The following ZNF599 variants were observed in gnomAD, a reference collection of about 807,000 sequenced individuals.
ZNF599 encodes the protein zinc finger protein 599.
A neutral mutation model predicts 11.7 loss-of-function variants in ZNF599; 10 were observed. The ratio of observed to expected loss-of-function variants is 0.86; its 90% confidence interval spans 0.53 to 1.45. ZNF599 has a LOEUF of 1.45. Among genes scored for constraint, ZNF599 ranks in the 40% most tolerant of loss-of-function variants. The probability of loss-of-function intolerance (pLI) is 0.00; values close to 1 mark genes in which losing one functional copy is unlikely to be tolerated. For synonymous variants in ZNF599, 232 were observed against 253.2 expected, an observed-to-expected ratio of 0.92 and a Z score of 0.79; for missense variants, 688 against 713.6, an observed-to-expected ratio of 0.96 and a Z score of 0.41.
chr19:34,791,537 T>C, the ZNF599 span, among the ~76,000 whole-genome samples: 4 of 152,244 alleles, frequency 2.6e-5, no homozygotes, highest in Non-Finnish European at 5.9e-5. Flanking sequence ...AGCCAGCTTT[T>C]ACACTGATGA....
intron 1 of ZNF599, 41 bp downstream of exon 1, chr19:34,772,783 G>A: frequency 6.5e-7 from 1 of 1,535,068 alleles, no homozygotes. Flanking sequence ...GCATGCGGGC[G>A]GTGACCCGAG....
intron 1 of ZNF599, chr19:34,772,451 C>A: frequency 9.1e-7 from 1 of 1,101,014 alleles, no homozygotes; most frequent in Non-Finnish European, 1.1e-6. Context: ...AAAGACGGCA[C>A]CTAGAGTGAT....
the ZNF599 span, among the ~76,000 whole-genome samples, chr19:34,784,019 T>C: frequency 5.3e-5 from 8 of 152,214 alleles, no homozygotes; most frequent in Non-Finnish European, 1.0e-4. Context: ...AGACCCCCTG[T>C]ATTCATCTCC....
chr19:34,804,776 C>T, the ZNF599 span, among the ~76,000 whole-genome samples: 9 of 152,162 alleles, frequency 5.9e-5, no homozygotes, highest in South Asian at 2.1e-4. Flanking sequence ...GCTGGCAGGA[C>T]GAGGAGAAAC....
the ZNF599 span, among the ~76,000 whole-genome samples, chr19:34,780,310 C>T: frequency 2.0e-5 from 3 of 151,976 alleles, no homozygotes; most frequent in Non-Finnish European, 4.4e-5. Flanking sequence ...GAGTTTGAGA[C>T]CAGTCTGGGC....
the ZNF599 span, among the ~76,000 whole-genome samples, chr19:34,795,269 T>G: frequency 7.2e-5 from 11 of 152,294 alleles, no homozygotes; most frequent in South Asian, 2.1e-3. Flanking sequence ...GGTGGCCTGC[T>G]AGTAAATCTT....
chr19:34,771,737 G>A (rs560330051), intron 1 of ZNF599, among the ~76,000 whole-genome samples: 2 of 152,310 alleles, frequency 1.3e-5, no homozygotes, highest in African/African-American at 4.8e-5. Context: ...GAGCCCCAGA[G>A]GATAGAATCT....
the ZNF599 span, among the ~76,000 whole-genome samples, chr19:34,785,132 T>C: frequency 6.6e-6 from 1 of 151,826 alleles, no homozygotes; most frequent in Admixed American, 6.6e-5. Context: ...AACCAACTAT[T>C]CCATCTCAAT....
Position 34,759,695 on chromosome 19 carries a change from C to T in ZNF599, c.1106G>A (p.Cys369Tyr). The T allele has an allele frequency of 6.2e-7, 1 of 1,614,150 alleles. No homozygotes were observed. Among genetic ancestry groups the T allele is most frequent in the Non-Finnish European group, 8.5e-7 (1 of 1,180,034 alleles). ...VTHTGEKPFL[C>Y]KECGKTFCLN... ...GCAAAAGGTTTTTCCACATTCTTTACATAAAAATGGTTTTTCTCCTGTGTG... is the reference window on the plus strand; with the variant it reads ...GCAAAAGGTTTTTCCACATTCTTTATATAAAAATGGTTTTTCTCCTGTGTG... The change falls in exon 4 of 4, where the codon TGT (cysteine) becomes TAT (tyrosine). Residue 369 changes from cysteine (C) to tyrosine (Y), a missense_variant. Coordinates refer to ENST00000329285, the MANE Select transcript of ZNF599 (RefSeq NM_001007248.3).
intron 2 of ZNF599, among the ~76,000 whole-genome samples, chr19:34,768,144 G>A (rs1027421378): frequency 3.9e-5 from 6 of 152,122 alleles, no homozygotes; most frequent in African/African-American, 1.2e-4. Context: ...ATAGGATTAC[G>A]CACACTTACA....
intron 1 of ZNF599, among the ~76,000 whole-genome samples, chr19:34,769,878 T>C (rs1396958700): frequency 6.6e-6 from 1 of 152,342 alleles, no homozygotes; most frequent in South Asian, 2.1e-4. Context: ...CAGCAGCAGC[T>C]GAGCCTCACT....
the ZNF599 span, among the ~76,000 whole-genome samples, chr19:34,780,983 C>G: frequency 6.6e-6 from 1 of 151,808 alleles, no homozygotes; most frequent in African/African-American, 2.4e-5. Flanking sequence ...GATGAAACCC[C>G]ATCTCTACTA....
chr19:34,802,052 G>T, the ZNF599 span, among the ~76,000 whole-genome samples: 175 of 152,308 alleles, frequency 1.1e-3, no homozygotes, highest in African/African-American at 4.1e-3. Flanking sequence ...AGAAAATCTT[G>T]GCTGAGAAGA....
chr19:34,775,356 G>A (rs1412828143), upstream of ZNF599, among the ~76,000 whole-genome samples: 1 of 152,148 alleles, frequency 6.6e-6, no homozygotes, highest in African/African-American at 2.4e-5. Context: ...ACAGCATGGA[G>A]GAACACTGAA....
In ZNF599 at chr19:34,767,055, C is replaced by T. The variant is rs150046561; in HGVS notation, c.241+261G>A. On this transcript the variant is annotated intron_variant, in intron 3 of 3. Transcript: ENST00000329285. ...AACTTATATACCAAAGGCACAGTGA[C>T]GTCACACAACCTCTCCAGAGTCATG... The T allele has an allele frequency of 1.4e-3, 541 of 382,118 alleles. 1 individual carries two copies. Among genetic ancestry groups the T allele is most frequent in the Non-Finnish European group, 1.5e-3 (319 of 212,404 alleles). The allele number at this position is 382,118 out of a possible 1,614,324, so 23.7% of individuals were successfully genotyped here. A position where few individuals can be genotyped will look rare whatever the true frequency, so the allele number is the denominator to read the frequency against.
At chr19:34,782,847 A>T in the ZNF599 span, among the ~76,000 whole-genome samples, 1 of 152,178 alleles carries the variant, frequency 6.6e-6, no homozygotes, top group Non-Finnish European at 1.5e-5. Context: ...CTCAATGGCC[A>T]TATCCTCAAA....
At chr19:34,803,435 A>G in the ZNF599 span, among the ~76,000 whole-genome samples, 16 of 152,308 alleles carry the variant, frequency 1.1e-4, no homozygotes, top group African/African-American at 3.9e-4. Context: ...AGGAGACTCC[A>G]TTCCCTCCAG....
chr19:34,780,184 T>C, the ZNF599 span, among the ~76,000 whole-genome samples: 3 of 152,148 alleles, frequency 2.0e-5, no homozygotes, highest in African/African-American at 7.2e-5. Flanking sequence ...TGTTATTTGG[T>C]ATCCAGCCAG....
chr19:34,768,287 T>G (rs192841038), intron 2 of ZNF599, among the ~76,000 whole-genome samples: 274 of 152,372 alleles, frequency 1.8e-3, no homozygotes, highest in African/African-American at 6.2e-3. Context: ...ACAGGGATGC[T>G]GCTCATGTTG....
Sources: gnomAD v4.1 joint callset for allele counts (sites outside exome capture counted in the v4.1 genomes callset) on GRCh38, gnomAD v4.1.1 for gene constraint, MANE v1.5 for transcripts, NCBI Gene and HGNC (gene_info 2026-07-23, HGNC 2026-07-21) for gene names.